Variants in ACSS3 observed in about 807,000 individuals in gnomAD.
ACSS3 encodes acyl-CoA synthetase short-chain family member 3, mitochondrial.
A neutral mutation model predicts 84.2 loss-of-function variants in ACSS3; 64 were observed. The ratio of observed to expected loss-of-function variants is 0.76; its 90% CI spans 0.62 to 0.94. The LOEUF is 0.94. Ranked by LOEUF, ACSS3 falls within the 40% of genes least tolerant of loss-of-function variation. The pLI is 0.00. For missense variants in ACSS3, 815 were observed against 867.6 expected (o/e 0.94, Z 0.76); for synonymous variants, 317 against 310.1 (o/e 1.02, Z -0.23).
At chr12:81,143,859 C>G (rs940689503) in intron 5 of ACSS3, among the ~76,000 whole-genome samples, 3 of 152,150 alleles carry the variant, frequency 2.0e-5, no homozygotes, top group Non-Finnish European at 4.4e-5. Context: ...TTGAAAGCAT[C>G]AATATTCATT....
chr12:81,109,315 A>T (rs1292823247), intron 1 of ACSS3, among the ~76,000 whole-genome samples: 2 of 152,170 alleles, frequency 1.3e-5, no homozygotes, highest in African/African-American at 2.4e-5. Flanking sequence ...CAAAGTCGCC[A>T]GCTGGAAGTG....
chr12:81,180,665 G>A (rs986385562), intron 8 of ACSS3, among the ~76,000 whole-genome samples: 1 of 152,046 alleles, frequency 6.6e-6, no homozygotes, highest in African/African-American at 2.4e-5. Flanking sequence ...ACAGGTGCCT[G>A]CCACCACGCC....
chr12:81,157,809 A>T (rs1886954183), intron 7 of ACSS3, among the ~76,000 whole-genome samples: 1 of 152,138 alleles, frequency 6.6e-6, no homozygotes, highest in African/African-American at 2.4e-5. Flanking sequence ...TCCCTCTCAA[A>T]AAATAAATAA....
At chr12:81,151,755 AC>A in intron 5 of ACSS3, 88 bp from the exon 6 acceptor site, 1 of 1,136,606 alleles carries the variant, frequency 8.8e-7, no homozygotes, top group South Asian at 1.5e-5. Flanking sequence ...AATACTTTTG[AC>A]CAGGAACTTT....
Position 81,141,300 on chromosome 12 carries a change from G to A in ACSS3, c.781-1807G>A, listed in dbSNP as rs187384168. ...GACCTGCTGTTTTGGCAGTAACTAA[G>A]CCCAGTGGAATGGCTTTGCTTTGAA... is the stretch of plus-strand genomic sequence containing the variant. On this transcript the variant is annotated intron_variant, in intron 4 of 15. Transcript: ENST00000548058. Among the ~76,000 whole-genome samples, 14 of 152,248 alleles carry A rather than the reference G, an allele frequency of 9.2e-5. No individual in the cohort carries two copies. In the East Asian group the frequency reaches 2.3e-3, roughly 25 times the overall value.
intron 13 of ACSS3, among the ~76,000 whole-genome samples, chr12:81,252,545 A>G (rs2034185969): frequency 1.3e-5 from 2 of 152,076 alleles, no homozygotes; most frequent in Non-Finnish European, 2.9e-5. Flanking sequence ...TCACCAAAAT[A>G]AATGTTAATC....
chr12:81,096,741 G>GA (rs1194089471), intron 1 of ACSS3, among the ~76,000 whole-genome samples: 4 of 151,750 alleles, frequency 2.6e-5, no homozygotes, highest in Non-Finnish European at 5.9e-5. Context: ...CTGTTCCTGT[G>GA]TTAGTTGCTG....
chr12:81,173,411 G>A (rs2030226629), intron 7 of ACSS3, among the ~76,000 whole-genome samples: 1 of 151,864 alleles, frequency 6.6e-6, no homozygotes, highest in Non-Finnish European at 1.5e-5. Flanking sequence ...TATTAAAAGA[G>A]CAAAATAGAA....
At chr12:81,208,242 G>A (rs879713103) in intron 9 of ACSS3, among the ~76,000 whole-genome samples, 9 of 152,188 alleles carry the variant, frequency 5.9e-5, no homozygotes, top group South Asian at 4.1e-4. Context: ...TCTTCCACTC[G>A]CAGCATGGAC....
intron 7 of ACSS3, among the ~76,000 whole-genome samples, chr12:81,165,419 G>A (rs571988228): frequency 2.7e-4 from 41 of 152,254 alleles, no homozygotes; most frequent in Non-Finnish European, 4.4e-4. Flanking sequence ...GCCAAGACAG[G>A]CGGATCACGA....
chr12:81,250,797 A>T (rs969071028), intron 13 of ACSS3, among the ~76,000 whole-genome samples: 3 of 152,164 alleles, frequency 2.0e-5, no homozygotes, highest in African/African-American at 7.2e-5. Context: ...GATGTTCTTC[A>T]CTCATTAAGG....
chr12:81,086,996 A>G (rs1881360455), intron 1 of ACSS3, among the ~76,000 whole-genome samples: 1 of 152,110 alleles, frequency 6.6e-6, no homozygotes, highest in Non-Finnish European at 1.5e-5. Flanking sequence ...TCAGTGTTTT[A>G]GTTGAATGAG....
At chr12:81,229,484 A>AT (rs1335709315) in intron 11 of ACSS3, among the ~76,000 whole-genome samples, 3 of 151,864 alleles carry the variant, frequency 2.0e-5, no homozygotes, top group African/African-American at 7.2e-5. Flanking sequence ...AAAATCGATG[A>AT]TTTTACACTT....
At chr12:81,189,568 G>A (rs1010346452) in intron 8 of ACSS3, among the ~76,000 whole-genome samples, 1 of 151,850 alleles carries the variant, frequency 6.6e-6, no homozygotes, top group South Asian at 2.1e-4. Context: ...TTGTTAATTT[G>A]TAGGAGTTTT....
intron 13 of ACSS3, 96 bp downstream of exon 13, chr12:81,233,567 C>A: frequency 1.4e-6 from 2 of 1,462,850 alleles, no homozygotes; most frequent in South Asian, 1.3e-5. Flanking sequence ...AAAATTACCA[C>A]ACCCTTCATT....
intron 2 of ACSS3, among the ~76,000 whole-genome samples, chr12:81,120,057 G>T (rs887692623): frequency 6.8e-6 from 1 of 147,492 alleles, no homozygotes; most frequent in Non-Finnish European, 1.5e-5. Flanking sequence ...TAGAAGCTGG[G>T]TCAAGTAATA....
At chr12:81,213,953 C>CTCTCTCTTTCTTTCTT (rs1555181698) in intron 9 of ACSS3, among the ~76,000 whole-genome samples, 14 of 18,650 alleles carry the variant, frequency 7.5e-4, no homozygotes, top group African/African-American at 1.6e-3. Flanking sequence ...CTCTCTCCCT[C>CTCTCTCTTTCTTTCTT]TCTCTCTTTC....
intron 4 of ACSS3, among the ~76,000 whole-genome samples, chr12:81,142,722 AAAAT>A (rs1369371450): frequency 6.6e-6 from 1 of 152,214 alleles, no homozygotes; most frequent in Non-Finnish European, 1.5e-5. Context: ...AATGCAAAAT[AAAAT>A]AAATAGGCTA....
chr12:81,120,554 G>A (rs1884496180), intron 2 of ACSS3, among the ~76,000 whole-genome samples: 1 of 152,134 alleles, frequency 6.6e-6, no homozygotes, highest in Admixed American at 6.5e-5. Flanking sequence ...CTAAAGTGGT[G>A]CAAATTAATA....
Sources: allele counts gnomAD v4.1 joint callset (sites outside exome capture counted in the v4.1 genomes callset), GRCh38; gene constraint gnomAD v4.1.1; transcripts MANE v1.5; gene names NCBI Gene and HGNC (gene_info 2026-07-23, HGNC 2026-07-21).